The following WWP1 variants were observed in gnomAD, a reference collection of about 807,000 sequenced individuals.
WWP1 encodes the protein NEDD4-like E3 ubiquitin-protein ligase WWP1.
Under a neutral mutation model 130.6 loss-of-function variants are expected in WWP1, and 49 were observed. That is an observed-to-expected ratio of 0.38 (90% CI 0.30 to 0.48). The LOEUF (loss-of-function observed/expected upper bound fraction) is 0.48, where lower values mean the gene tolerates loss of function less well. WWP1 is among the 20% of genes least tolerant of loss of function. The pLI, the probability that WWP1 is intolerant of heterozygous loss-of-function variation, is 0.99. For synonymous variants in WWP1, 332 were observed against 367.8 expected (o/e 0.90, Z 1.11); for missense variants, 809 against 1,100.6 (o/e 0.74, Z 3.75).
intron 3 of WWP1, among the ~76,000 whole-genome samples, chr8:86,375,372 A>C (rs933546186): frequency 8.5e-5 from 13 of 152,098 alleles, no homozygotes; most frequent in Non-Finnish European, 1.0e-4. Flanking sequence ...ACCAAGGTAC[A>C]TTTAGAGAGG....
At position 86,398,594 on chromosome 8, in the gene WWP1, T is replaced by C. The variant is rs368074595; in HGVS notation, c.495T>C (p.Asp165=). 3 of 1,612,992 alleles carry C rather than the reference T, an allele frequency of 1.9e-6. No individual in the cohort carries two copies. Among genetic ancestry groups the C allele is most frequent in the Non-Finnish European group, 2.5e-6 (3 of 1,179,782 alleles). The part of the protein sequence containing the change: ...SPTIEIQENG[D]ALHENGEPSA... ...CAGTAGAAATACAGGAAAATGGTGA[T>C]GCCTTACATGAAAATGGAGAGCCTT... The change falls in exon 7 of 25, where the codon GAT becomes GAC. Residue 165 remains aspartate, a synonymous_variant. Coordinates refer to ENST00000517970, the MANE Select transcript of WWP1 (RefSeq NM_007013.4).
rs372758538 is a variant in WWP1 at position 86,444,882 on chromosome 8, C to T, written c.1998+2104C>T. On this transcript the variant is annotated intron_variant, in intron 18 of 24. Coordinates refer to ENST00000517970, the MANE Select transcript of WWP1 (RefSeq NM_007013.4). The stretch of plus-strand genomic sequence containing the variant: ...ATTGCTGATAGTGATGACTAAGTAT[C>T]TTAGTCTGTTTTGTGTTGCTGTAAG... Among the ~76,000 whole-genome samples, 8 of 152,202 alleles carry T rather than the reference C, an allele frequency of 5.3e-5. 1 individual carries two copies. Among genetic ancestry groups the T allele is most frequent in the East Asian group, 3.9e-4 (2 of 5,176 alleles).
At chr8:86,353,557 G>A (rs1586239445) in intron 1 of WWP1, among the ~76,000 whole-genome samples, 1 of 151,878 alleles carries the variant, frequency 6.6e-6, no homozygotes, top group Non-Finnish European at 1.5e-5. Context: ...CAGTGGTGCA[G>A]TCTCAGCTCA....
In WWP1 at chr8:86,393,299, C is replaced by G. The variant is rs11780741; in HGVS notation, c.335-5043C>G. On this transcript the variant is annotated intron_variant, in intron 5 of 24. Transcript: ENST00000517970. ...TCGGCTCACTGCAACCTCCATCTCC[C>G]GGGTTGAAGCGATTCTCCTTGCCTC... is the stretch of plus-strand genomic sequence containing the variant. Among the ~76,000 whole-genome samples, 1,249 of 152,140 alleles carry G rather than the reference C, an allele frequency of 8.2e-3. 7 individuals carry two copies. Among genetic ancestry groups the G allele is most frequent in the Non-Finnish European group, 0.013 (883 of 67,990 alleles).
intron 3 of WWP1, among the ~76,000 whole-genome samples, chr8:86,378,494 GT>G (rs1428227478): frequency 6.6e-6 from 1 of 151,952 alleles, no homozygotes; most frequent in Non-Finnish European, 1.5e-5. Flanking sequence ...TTTTCTGATA[GT>G]TTAAAAATAC....
chr8:86,378,508 A>G (rs571469208), intron 3 of WWP1, among the ~76,000 whole-genome samples: 2 of 152,282 alleles, frequency 1.3e-5, no homozygotes, highest in South Asian at 4.1e-4. Flanking sequence ...AAAAATACTT[A>G]TATAACCTTA....
At chr8:86,414,869 A>G (rs1377760713) in intron 9 of WWP1, among the ~76,000 whole-genome samples, 2 of 150,724 alleles carry the variant, frequency 1.3e-5, no homozygotes, top group African/African-American at 4.9e-5. Flanking sequence ...GATTAAAAAT[A>G]CATTCTGAAT....
chr8:86,429,909 A>G (rs1397873280), intron 11 of WWP1, among the ~76,000 whole-genome samples: 2 of 152,132 alleles, frequency 1.3e-5, no homozygotes, highest in Non-Finnish European at 2.9e-5. Flanking sequence ...TTATGAACTT[A>G]GTGTCTTGGC....
chr8:86,428,123 A>G lies in WWP1; in HGVS notation c.1332+306A>G, dbSNP rs142913912. Among the ~76,000 whole-genome samples the G allele has an allele frequency of 4.4e-4, 67 of 152,232 alleles. 1 individual carries two copies. The East Asian group carries it at 0.011, about 26-fold the overall frequency. On this transcript the variant is annotated intron_variant, in intron 11 of 24. Coordinates refer to ENST00000517970, the MANE Select transcript of WWP1 (RefSeq NM_007013.4). Reference sequence around the variant, plus strand: ...AAAATAATATTTTTACTAATTTTCAATCTTCCACTTTTATAAATTTTGTTT... The same window carrying G: ...AAAATAATATTTTTACTAATTTTCAGTCTTCCACTTTTATAAATTTTGTTT...
intron 3 of WWP1, 138 bp downstream of exon 3, chr8:86,374,258 G>A (rs967234118): frequency 3.2e-6 from 2 of 621,030 alleles, no homozygotes; most frequent in Non-Finnish European, 5.4e-6. Flanking sequence ...AGCCTCAAAG[G>A]TAGATGCCCT....
At chr8:86,359,966 G>C (rs1439640277) in intron 1 of WWP1, among the ~76,000 whole-genome samples, 1 of 151,686 alleles carries the variant, frequency 6.6e-6, no homozygotes, top group Non-Finnish European at 1.5e-5. Flanking sequence ...GGAGAATGGC[G>C]TGAACCCGGG....
At chr8:86,360,279 C>T (rs1220825183) in intron 1 of WWP1, among the ~76,000 whole-genome samples, 1 of 152,150 alleles carries the variant, frequency 6.6e-6, no homozygotes, top group Non-Finnish European at 1.5e-5. Flanking sequence ...GCTTCAGGTC[C>T]TACCTTTCCA....
chr8:86,452,733 A>C (rs1311697637), intron 21 of WWP1, 54 bp downstream of exon 21: 1 of 1,592,528 alleles, frequency 6.3e-7, no homozygotes, highest in African/African-American at 1.4e-5. Context: ...GGAGGGACTA[A>C]TTTAGTGCTT....
At chr8:86,440,231 AG>A (rs1467887859) in intron 17 of WWP1, among the ~76,000 whole-genome samples, 1 of 152,180 alleles carries the variant, frequency 6.6e-6, no homozygotes, top group African/African-American at 2.4e-5. Flanking sequence ...TTTGGGTCTA[AG>A]TTTTATATTT....
At chr8:86,464,117 T>C (rs1183142090) in intron 24 of WWP1, among the ~76,000 whole-genome samples, 1 of 152,146 alleles carries the variant, frequency 6.6e-6, no homozygotes, top group African/African-American at 2.4e-5. Context: ...AGATTTTGTA[T>C]AACAAAGTAC....
intron 1 of WWP1, among the ~76,000 whole-genome samples, chr8:86,356,292 T>C (rs572497840): frequency 9.8e-5 from 15 of 152,290 alleles, no homozygotes; most frequent in Middle Eastern, 3.4e-3. Flanking sequence ...TGTTAACTTA[T>C]GTTGATTCTG....
intron 8 of WWP1, among the ~76,000 whole-genome samples, chr8:86,408,620 G>T (rs1808409024): frequency 6.6e-6 from 1 of 152,178 alleles, no homozygotes; most frequent in African/African-American, 2.4e-5. Context: ...GTTTTTTAAA[G>T]TGTTTTCTTC....
chr8:86,345,104 C>T (rs575460557), intron 1 of WWP1, among the ~76,000 whole-genome samples: 1 of 151,906 alleles, frequency 6.6e-6, no homozygotes, highest in East Asian at 1.9e-4. Flanking sequence ...CTGTGGTGCA[C>T]GCGAATGGAA....
At chr8:86,385,023 CAAA>C (rs11284469) in intron 5 of WWP1, among the ~76,000 whole-genome samples, 8 of 139,328 alleles carry the variant, frequency 5.7e-5, no homozygotes, top group African/African-American at 7.9e-5. Context: ...GACACTGTCT[CAAA>C]AAAAAAAAAA....
Sources: gnomAD v4.1 joint callset for allele counts (sites outside exome capture counted in the v4.1 genomes callset) on GRCh38, gnomAD v4.1.1 for gene constraint, MANE v1.5 for transcripts, NCBI Gene and HGNC (gene_info 2026-07-23, HGNC 2026-07-21) for gene names.